MAP2: variants seen among roughly 807,000 people sequenced by gnomAD.
The protein encoded by MAP2 is microtubule associated protein 2, also known as microtubule-associated protein 2.
MAP2 carries 14 observed loss-of-function variants against 137.6 expected under a neutral mutation model. The ratio of observed to expected loss-of-function variants is 0.10; its 90% CI spans 0.07 to 0.16. The LOEUF is 0.16. Ranked by LOEUF, MAP2 falls within the 10% of genes least tolerant of loss-of-function variation. The pLI is 1.00. For synonymous variants in MAP2, 786 were observed against 782.3 expected (o/e 1.00, Z -0.08); for missense variants, 2,088 against 2,191.5 (o/e 0.95, Z 0.94).
At chr2:209,530,256 T>C (rs1373320140) in intron 2 of MAP2, among the ~76,000 whole-genome samples, 1 of 152,166 alleles carries the variant, frequency 6.6e-6, no homozygotes, top group Non-Finnish European at 1.5e-5. Flanking sequence ...TAGTCACATA[T>C]ACTTCTTGTT....
At chr2:209,641,529 C>T (rs932892859) in intron 4 of MAP2, among the ~76,000 whole-genome samples, 10 of 151,284 alleles carry the variant, frequency 6.6e-5, no homozygotes, top group Non-Finnish European at 1.3e-4. Flanking sequence ...ATGAAACTAA[C>T]ACTCTGGTTT....
chr2:209,689,265 A>G (rs1416929419), intron 7 of MAP2, among the ~76,000 whole-genome samples: 1 of 151,978 alleles, frequency 6.6e-6, no homozygotes, highest in African/African-American at 2.4e-5. Context: ...CAAAACTAAA[A>G]ATGAGTGCTA....
At chr2:209,615,250 G>C (rs539926596) in intron 3 of MAP2, among the ~76,000 whole-genome samples, 7 of 152,322 alleles carry the variant, frequency 4.6e-5, no homozygotes, top group Admixed American at 4.6e-4. Flanking sequence ...TGTGGCTGCA[G>C]GTTGACAGAT....
At chr2:209,460,045 C>A (rs1008617003) in intron 1 of MAP2, among the ~76,000 whole-genome samples, 3 of 152,120 alleles carry the variant, frequency 2.0e-5, no homozygotes, top group Non-Finnish European at 4.4e-5. Context: ...CTTGGAGATT[C>A]AGCTAAGTGG....
intron 4 of MAP2, among the ~76,000 whole-genome samples, chr2:209,648,621 CAAAAAAA>C (rs1228232293): frequency 3.9e-5 from 2 of 51,056 alleles, no homozygotes; most frequent in African/African-American, 5.6e-5. Context: ...ACTAAAAATA[CAAAAAAA>C]AAAAAAAAAA....
chr2:209,623,749 G>A (rs1232962891), intron 3 of MAP2, among the ~76,000 whole-genome samples: 1 of 151,838 alleles, frequency 6.6e-6, no homozygotes, highest in African/African-American at 2.4e-5. Flanking sequence ...CCACTGAGCT[G>A]GACTAAAGAA....
intron 2 of MAP2, among the ~76,000 whole-genome samples, chr2:209,542,404 T>C (rs191502508): frequency 1.2e-4 from 18 of 152,334 alleles, no homozygotes; most frequent in African/African-American, 4.3e-4. Flanking sequence ...ATTTTTGGAA[T>C]GGTAAATGAG....
chr2:209,622,799 T>C (rs1168450478), intron 3 of MAP2, among the ~76,000 whole-genome samples: 2 of 152,158 alleles, frequency 1.3e-5, no homozygotes, highest in Admixed American at 6.5e-5. Context: ...CTCTTTCTCA[T>C]AAAGTCTAGA....
At chr2:209,533,953 G>C (rs538291859) in intron 2 of MAP2, among the ~76,000 whole-genome samples, 272 of 152,300 alleles carry the variant, frequency 1.8e-3, no homozygotes, top group African/African-American at 6.3e-3. Flanking sequence ...ACCACACCCA[G>C]TTGGAGGGAA....
At chr2:209,455,857 G>A (rs920958957) in intron 1 of MAP2, among the ~76,000 whole-genome samples, 7 of 152,036 alleles carry the variant, frequency 4.6e-5, no homozygotes, top group African/African-American at 1.4e-4. Flanking sequence ...TTATCCTTGC[G>A]AGTACTAGCA....
chr2:209,511,596 G>T (rs2061727155), intron 2 of MAP2, among the ~76,000 whole-genome samples: 1 of 151,974 alleles, frequency 6.6e-6, no homozygotes, highest in South Asian at 2.1e-4. Flanking sequence ...TGAAGAGATG[G>T]AGTCTCCCTC....
At chr2:209,443,611 A>G (rs1235794833) in intron 1 of MAP2, among the ~76,000 whole-genome samples, 1 of 151,516 alleles carries the variant, frequency 6.6e-6, no homozygotes, top group Non-Finnish European at 1.5e-5. Flanking sequence ...ATTACACCCT[A>G]TCCTGGATAA....
intron 13 of MAP2, chr2:209,721,918 A>C (rs1370810365): frequency 6.6e-6 from 1 of 152,236 alleles, no homozygotes; most frequent in African/African-American, 2.4e-5. Context: ...ACAGTAAGTC[A>C]AAATTATTTG....
intron 2 of MAP2, among the ~76,000 whole-genome samples, chr2:209,541,274 T>C (rs2066984391): frequency 6.6e-6 from 1 of 151,124 alleles, no homozygotes; most frequent in African/African-American, 2.5e-5. Context: ...AAGTGATCCA[T>C]CTGCCTCGGC....
intron 11 of MAP2, chr2:209,704,586 C>A: frequency 6.2e-7 from 1 of 1,608,596 alleles, no homozygotes; most frequent in South Asian, 1.1e-5. Context: ...GCAGGCTCCA[C>A]AGACCGTTTG....
chr2:209,678,223 G>C (rs2052852738), intron 5 of MAP2, among the ~76,000 whole-genome samples: 2 of 151,932 alleles, frequency 1.3e-5, no homozygotes, highest in Admixed American at 1.3e-4. Flanking sequence ...ATATGACTTT[G>C]GGGGCAGGGG....
intron 1 of MAP2, among the ~76,000 whole-genome samples, chr2:209,438,236 A>T (rs1696851921): frequency 6.6e-6 from 1 of 151,708 alleles, no homozygotes; most frequent in Non-Finnish European, 1.5e-5. Flanking sequence ...ATACTTATGG[A>T]AACAGTCTGT....
intron 5 of MAP2, among the ~76,000 whole-genome samples, chr2:209,671,964 C>T (rs1427876233): frequency 7.0e-6 from 1 of 141,924 alleles, no homozygotes; most frequent in African/African-American, 3.0e-5. Context: ...GAAAAAGTTT[C>T]ATCTCCATTG....
At chr2:209,462,998 C>T (rs1053239093) in intron 1 of MAP2, among the ~76,000 whole-genome samples, 1 of 152,042 alleles carries the variant, frequency 6.6e-6, no homozygotes, top group Non-Finnish European at 1.5e-5. Flanking sequence ...CACACACACA[C>T]GTGCACACAA....
Sources: gnomAD v4.1 joint callset for allele counts (sites outside exome capture counted in the v4.1 genomes callset) on GRCh38, gnomAD v4.1.1 for gene constraint, MANE v1.5 for transcripts, NCBI Gene and HGNC (gene_info 2026-07-23, HGNC 2026-07-21) for gene names.